UNC13C: variants seen among roughly 807,000 people sequenced by gnomAD.
The protein encoded by UNC13C is unc-13 homolog C, also known as protein unc-13 homolog C.
A neutral mutation model predicts 245.4 loss-of-function variants in UNC13C; 174 were observed. The observed-to-expected ratio is 0.71, with a 90% CI of 0.63 to 0.80. The LOEUF is 0.80. Ranked by LOEUF, UNC13C falls within the 30% of genes least tolerant of loss-of-function variation. The pLI is 0.00. For missense variants in UNC13C, 2,829 were observed against 2,602.9 expected (o/e 1.09, Z -1.89); for synonymous variants, 992 against 895.1 (o/e 1.11, Z -1.93).
rs2036495418 is a variant in UNC13C at position 54,264,159 on chromosome 15, C to G, written c.3449-9C>G. 1 of 1,562,696 alleles carries G rather than the reference C, an allele frequency of 6.4e-7. No homozygotes were observed. Among genetic ancestry groups the G allele is most frequent in the Non-Finnish European group, 8.7e-7 (1 of 1,152,158 alleles). On this transcript the variant is annotated splice_polypyrimidine_tract_variant and intron_variant, in intron 8 of 32. Coordinates refer to ENST00000260323, the MANE Select transcript of UNC13C (RefSeq NM_001080534.3). ...TCCATTCACATCACCATTGATGTTT[C>G]CATCATAGGAGCAGCAGAAAAGAGT...
chr15:54,516,432 T>G (rs1362009366), intron 24 of UNC13C, among the ~76,000 whole-genome samples: 1 of 152,144 alleles, frequency 6.6e-6, no homozygotes, highest in Non-Finnish European at 1.5e-5. Context: ...TGATTTGCAT[T>G]TCTAACGAAT....
At chr15:54,347,123 C>T (rs996147265) in intron 17 of UNC13C, among the ~76,000 whole-genome samples, 4 of 152,046 alleles carry the variant, frequency 2.6e-5, no homozygotes, top group African/African-American at 7.2e-5. Context: ...ATAAAATCTA[C>T]ATAAAGAGAC....
chr15:54,143,573 A>G (rs1395371094), intron 3 of UNC13C, 47 bp from the exon 4 acceptor site: 2 of 1,531,596 alleles, frequency 1.3e-6, no homozygotes, highest in Non-Finnish European at 1.8e-6. Context: ...AAACTGTAGT[A>G]TGCTAAAAGC....
rs77705034 is a variant in UNC13C, at chr15:54,188,482, A to G, written c.3071+44798A>G. On this transcript the variant is annotated intron_variant, in intron 4 of 32. Transcript: ENST00000260323. The stretch of plus-strand genomic sequence containing the variant: ...TTTATGATAATGATAATTGGGTACA[A>G]CAAACTACATTTATTTTAAATTCAT... Among the ~76,000 whole-genome samples the G allele has an allele frequency of 6.0e-3, 914 of 152,316 alleles. 51 individuals carry two copies. The East Asian group carries it at 0.11, about 18-fold the overall frequency.
intron 4 of UNC13C, among the ~76,000 whole-genome samples, chr15:54,201,293 A>G (rs1196901108): frequency 2.0e-5 from 3 of 152,102 alleles, no homozygotes; most frequent in African/African-American, 7.2e-5. Context: ...AGAAAGAGGG[A>G]ATCCTCCCTA....
the UNC13C span, among the ~76,000 whole-genome samples, chr15:53,960,083 A>G: frequency 6.6e-6 from 1 of 152,118 alleles, no homozygotes; most frequent in Non-Finnish European, 1.5e-5. Flanking sequence ...CACTAAGGAG[A>G]TATGCTACCT....
In UNC13C at chr15:54,234,979, A is replaced by G. The variant is rs28429572; in HGVS notation, c.3072-51A>G. The G allele has an allele frequency of 0.012, 17,877 of 1,527,932 alleles. 1,789 individuals carry two copies. The African/African-American group carries it at 0.22, about 18-fold the overall frequency. 94.6% of individuals were successfully genotyped at this position (1,527,932 alleles called of 1,614,324 possible). On this transcript the variant is annotated intron_variant, in intron 4 of 32. Coordinates refer to ENST00000260323, the MANE Select transcript of UNC13C (RefSeq NM_001080534.3). ...ACCATGAACAGTGGATGTTTTTCTT[A>G]CAAGAAGTCATTTTACCCATTGCAA... is the stretch of plus-strand genomic sequence containing the variant.
chr15:54,455,205 C>CTCTCTATATATA (rs1388065398), intron 19 of UNC13C, among the ~76,000 whole-genome samples: 38 of 18,944 alleles, frequency 2.0e-3, no homozygotes, highest in Non-Finnish European at 2.4e-3. Context: ...CTCTCTCTCT[C>CTCTCTATATATA]TATATATATA....
At chr15:53,891,508 G>A in the UNC13C span, among the ~76,000 whole-genome samples, 1 of 152,062 alleles carries the variant, frequency 6.6e-6, no homozygotes, top group Non-Finnish European at 1.5e-5. Flanking sequence ...AAGTCTGTAG[G>A]TCTCTAAGAA....
chr15:54,217,122 G>A (rs1021604208), intron 4 of UNC13C, among the ~76,000 whole-genome samples: 2 of 152,010 alleles, frequency 1.3e-5, no homozygotes, highest in Non-Finnish European at 2.9e-5. Context: ...ATTCTTTGAA[G>A]TTTATTTCCA....
chr15:54,497,514 A>G (rs963211621), intron 20 of UNC13C, among the ~76,000 whole-genome samples: 1 of 152,100 alleles, frequency 6.6e-6, no homozygotes, highest in Non-Finnish European at 1.5e-5. Context: ...GGCAGTTCCC[A>G]CTGAAGGCAT....
chr15:54,209,459 C>T (rs966585949), intron 4 of UNC13C, among the ~76,000 whole-genome samples: 3 of 151,694 alleles, frequency 2.0e-5, no homozygotes, highest in African/African-American at 7.3e-5. Flanking sequence ...TCACTCAGGG[C>T]TGGAGTACAG....
the UNC13C span, among the ~76,000 whole-genome samples, chr15:53,886,488 T>G: frequency 1.3e-5 from 2 of 152,092 alleles, no homozygotes; most frequent in African/African-American, 4.8e-5. Context: ...AAATAAGTAT[T>G]CATGAGACCA....
downstream of UNC13C, chr15:54,630,889 T>C (rs376356129): frequency 5.9e-5 from 9 of 152,320 alleles, no homozygotes; most frequent in South Asian, 6.2e-4. Context: ...TCAGGATACA[T>C]ATATAATCCT....
intron 1 of UNC13C, among the ~76,000 whole-genome samples, chr15:53,990,577 C>G (rs1894340794): frequency 6.6e-6 from 1 of 151,914 alleles, no homozygotes; most frequent in African/African-American, 2.4e-5. Flanking sequence ...CAGATCTTTC[C>G]TATCTCAAAC....
Position 54,343,428 on chromosome 15 carries a change from TG to T in UNC13C, c.4713+4941del, listed in dbSNP as rs2038784143. Among the ~76,000 whole-genome samples the T allele has an allele frequency of 2.6e-5, 4 of 152,012 alleles. No homozygotes were observed. The South Asian group carries it at 8.3e-4, about 32-fold the overall frequency. On this transcript the variant is annotated intron_variant, in intron 17 of 32. Transcript: ENST00000260323. ...GATTACAGGCGTGAGCCACCGCGCC[TG>T]GCCCCATGCATAACTTTATAATCAA...
intron 7 of UNC13C, among the ~76,000 whole-genome samples, chr15:54,244,347 C>G (rs1447333306): frequency 6.6e-6 from 1 of 152,092 alleles, no homozygotes; most frequent in Non-Finnish European, 1.5e-5. Context: ...GTTCTTATAC[C>G]AGTACCGTGC....
chr15:54,066,426 C>T (rs1898079115), intron 2 of UNC13C, among the ~76,000 whole-genome samples: 1 of 152,310 alleles, frequency 6.6e-6, no homozygotes, highest in East Asian at 1.9e-4. Flanking sequence ...TGTGTCTTCG[C>T]TGTTTTCAAA....
chr15:54,507,222 G>T (rs1291724594), intron 23 of UNC13C, 28 bp downstream of exon 23: 2 of 1,425,002 alleles, frequency 1.4e-6, no homozygotes, highest in Non-Finnish European at 1.9e-6. Context: ...CTACTTTCAA[G>T]TATCTCTCAG....
Sources: gnomAD v4.1 joint callset for allele counts (sites outside exome capture counted in the v4.1 genomes callset) on GRCh38, gnomAD v4.1.1 for gene constraint, MANE v1.5 for transcripts, NCBI Gene and HGNC (gene_info 2026-07-23, HGNC 2026-07-21) for gene names.